The following ZNF782 variants were observed in gnomAD, a reference collection of about 807,000 sequenced individuals.
The protein encoded by ZNF782 is zinc finger protein 782.
In ZNF782, 12 loss-of-function variants were observed where a neutral mutation model predicts 13.0. The ratio of observed to expected loss-of-function variants is 0.92; its 90% CI spans 0.59 to 1.50. The LOEUF (loss-of-function observed/expected upper bound fraction) is 1.50. ZNF782 is among the 40% of genes most tolerant of loss of function. ZNF782 has a pLI of 0.00. For synonymous variants in ZNF782, 284 were observed against 283.0 expected, an observed-to-expected ratio of 1.00 and a Z score of -0.04; for missense variants, 770 against 822.9, an observed-to-expected ratio of 0.94 and a Z score of 0.79.
At chr9:96,902,055 G>C in the ZNF782 span, among the ~76,000 whole-genome samples, 1 of 152,022 alleles carries the variant, frequency 6.6e-6, no homozygotes, top group Non-Finnish European at 1.5e-5. Context: ...TAGGCCAGTG[G>C]TTCTCAAAGT....
intron 4 of ZNF782, among the ~76,000 whole-genome samples, chr9:96,843,947 C>T (rs1475027820): frequency 6.6e-6 from 1 of 151,924 alleles, no homozygotes; most frequent in Non-Finnish European, 1.5e-5. Flanking sequence ...CTAAACGAAA[C>T]AAAAATGAGC....
chr9:96,873,990 G>T (rs1335320923), intron 1 of ZNF782, among the ~76,000 whole-genome samples: 2 of 152,174 alleles, frequency 1.3e-5, no homozygotes, highest in African/African-American at 4.8e-5. Context: ...GACTACCAAA[G>T]CTCAAATTTA....
chr9:96,906,898 C>T, the ZNF782 span, among the ~76,000 whole-genome samples: 2 of 152,218 alleles, frequency 1.3e-5, no homozygotes, highest in South Asian at 2.1e-4. Flanking sequence ...CTAGGAGCTG[C>T]CAGCCATCTG....
chr9:96,910,301 G>T, the ZNF782 span: 1 of 568,056 alleles, frequency 1.8e-6, no homozygotes. Context: ...GGAAGAGGAT[G>T]GAGATGAAGA....
the ZNF782 span, among the ~76,000 whole-genome samples, chr9:96,906,321 G>A: frequency 6.7e-6 from 1 of 148,346 alleles, no homozygotes; most frequent in East Asian, 2.0e-4. Flanking sequence ...CACCAACTGG[G>A]TGTCCTCTAA....
upstream of ZNF782, among the ~76,000 whole-genome samples, chr9:96,856,248 T>C (rs1851640961): frequency 6.6e-6 from 1 of 152,204 alleles, no homozygotes. Flanking sequence ...GAGGTGTTGT[T>C]ACCTCAGAGG....
chr9:96,888,204 A>G, the ZNF782 span: 1 of 152,192 alleles, frequency 6.6e-6, no homozygotes, highest in Admixed American at 6.5e-5. Flanking sequence ...GAAAAGCATT[A>G]AAATAAATGT....
At chr9:96,931,213 T>C in the ZNF782 span, among the ~76,000 whole-genome samples, 1 of 151,690 alleles carries the variant, frequency 6.6e-6, no homozygotes, top group African/African-American at 2.4e-5. Flanking sequence ...TTTTGTTGTG[T>C]TGAGCTAGGA....
chr9:96,824,263 T>G (rs945833469), intron 5 of ZNF782, among the ~76,000 whole-genome samples: 3 of 151,372 alleles, frequency 2.0e-5, no homozygotes, highest in African/African-American at 7.3e-5. Context: ...CGCAAATCAA[T>G]AAATGTGATC....
chr9:96,922,763 G>A, the ZNF782 span, among the ~76,000 whole-genome samples: 2 of 151,374 alleles, frequency 1.3e-5, no homozygotes, highest in African/African-American at 4.9e-5. Flanking sequence ...GACAGAGCGA[G>A]ACTCCGTCTC....
At chr9:96,924,857 T>A in the ZNF782 span, among the ~76,000 whole-genome samples, 1 of 151,750 alleles carries the variant, frequency 6.6e-6, no homozygotes, top group Admixed American at 6.6e-5. Context: ...CAAGGCCAGG[T>A]GAGCAAGGGA....
rs1564013120 is a variant in ZNF782, at chr9:96,854,486, C to A, written c.-660G>T. The A allele has an allele frequency of 6.6e-6, 1 of 152,262 alleles. No individual in the cohort carries two copies. The highest frequency in any genetic ancestry group is 1.5e-5 in the Non-Finnish European group (1 of 68,082). 9.4% of individuals were successfully genotyped at this position (152,262 alleles called of 1,614,324 possible). ...TTCCCAAACCGCTTCCCGGGAGTCT[C>A]GAGAACCCAAATGAGGAGGCGGGGC... On this transcript the variant is annotated 5_prime_UTR_variant, in exon 1 of 6. Transcript: ENST00000481138.
intron 5 of ZNF782, among the ~76,000 whole-genome samples, chr9:96,820,831 T>G (rs921159426): frequency 3.9e-5 from 6 of 152,240 alleles, no homozygotes; most frequent in Non-Finnish European, 5.9e-5. Flanking sequence ...ATTACAGGCA[T>G]GAGCCACCAC....
chr9:96,902,091 C>A, the ZNF782 span, among the ~76,000 whole-genome samples: 1 of 151,810 alleles, frequency 6.6e-6, no homozygotes, highest in Non-Finnish European at 1.5e-5. Flanking sequence ...CTGGAGAATC[C>A]CCAAATCTTT....
At chr9:96,930,872 GTTTTTTTTTTTTTTTTT>G in the ZNF782 span, among the ~76,000 whole-genome samples, 152 of 72,652 alleles carry the variant, frequency 2.1e-3, no homozygotes, top group Middle Eastern at 7.8e-3. Context: ...CCATCCAGTG[GTTTTTTTTTTTTTTTTT>G]TTTTTTTTTT....
At chr9:96,827,630 TC>T (rs1417370947) in intron 4 of ZNF782, among the ~76,000 whole-genome samples, 2 of 152,170 alleles carry the variant, frequency 1.3e-5, no homozygotes, top group African/African-American at 2.4e-5. Context: ...TCATAAATGA[TC>T]AATCTCCTTG....
intron 1 of ZNF782, among the ~76,000 whole-genome samples, chr9:96,868,299 A>C (rs1851784377): frequency 6.6e-6 from 1 of 152,234 alleles, no homozygotes; most frequent in African/African-American, 2.4e-5. Context: ...TTTGTAGTCT[A>C]CTGGAGTTCC....
chr9:96,822,889 T>C (rs899398761), intron 5 of ZNF782, among the ~76,000 whole-genome samples: 4 of 152,232 alleles, frequency 2.6e-5, no homozygotes, highest in African/African-American at 9.6e-5. Flanking sequence ...ACTTTAATTC[T>C]TCTTACATTG....
intron 4 of ZNF782, among the ~76,000 whole-genome samples, chr9:96,840,420 A>G (rs886732370): frequency 6.6e-6 from 1 of 151,984 alleles, no homozygotes; most frequent in East Asian, 1.9e-4. Flanking sequence ...ATTTTCTTTG[A>G]AAAAGTAAAA....
Sources: allele counts gnomAD v4.1 joint callset (sites outside exome capture counted in the v4.1 genomes callset), GRCh38; gene constraint gnomAD v4.1.1; transcripts MANE v1.5; gene names NCBI Gene and HGNC (gene_info 2026-07-23, HGNC 2026-07-21).